WWOX: variants seen among roughly 807,000 people sequenced by gnomAD.
WWOX encodes WW domain-containing oxidoreductase.
In WWOX, 69 loss-of-function variants were observed where a neutral mutation model predicts 46.2. That is an observed-to-expected ratio of 1.49 (90% CI 1.23 to 1.82). The LOEUF (loss-of-function observed/expected upper bound fraction) is 1.82. Among genes scored for constraint, WWOX ranks in the 40% most tolerant of loss-of-function variants. WWOX has a pLI of 0.00. For synonymous variants in WWOX, 359 were observed against 202.6 expected (o/e 1.77, Z -6.56); for missense variants, 919 against 542.6 (o/e 1.69, Z -6.89).
chr16:78,557,779 T>C (rs528329344), intron 8 of WWOX, among the ~76,000 whole-genome samples: 37 of 142,244 alleles, frequency 2.6e-4, no homozygotes, highest in African/African-American at 9.5e-4. Context: ...CACTGCAACC[T>C]CCGCCTCCTG....
chr16:79,060,822 G>C (rs2048345246), intron 8 of WWOX, among the ~76,000 whole-genome samples: 1 of 152,208 alleles, frequency 6.6e-6, no homozygotes, highest in South Asian at 2.1e-4. Context: ...GCTGTGATTT[G>C]AGGGATAGTG....
intron 8 of WWOX, among the ~76,000 whole-genome samples, chr16:79,194,895 A>C (rs987337043): frequency 6.6e-6 from 1 of 152,114 alleles, no homozygotes; most frequent in Non-Finnish European, 1.5e-5. Flanking sequence ...CCCCCATGCC[A>C]TACTCCCCAA....
At position 78,801,244 on chromosome 16, in the gene WWOX, T is replaced by G. The variant is rs182679674; in HGVS notation, c.1056+368492T>G. On this transcript the variant is annotated intron_variant, in intron 8 of 8. Coordinates refer to ENST00000566780, the MANE Select transcript of WWOX (RefSeq NM_016373.4). ...CCATTTTTGTGGTGGGCATGGTGGC[T>G]CATGCCTGTAATCCCAGCTCTTTGG... is the stretch of plus-strand genomic sequence containing the variant. Among the ~76,000 whole-genome samples the G allele has an allele frequency of 2.6e-5, 4 of 152,270 alleles. No homozygotes were observed. The East Asian group carries it at 7.7e-4, about 29-fold the overall frequency.
chr16:78,773,916 C>T (rs1402068375), intron 8 of WWOX, among the ~76,000 whole-genome samples: 4 of 152,098 alleles, frequency 2.6e-5, no homozygotes, highest in African/African-American at 4.8e-5. Flanking sequence ...TGGAATTTAA[C>T]ACAGTTTTCC....
intron 8 of WWOX, among the ~76,000 whole-genome samples, chr16:78,986,300 C>G (rs2046783498): frequency 6.6e-6 from 1 of 152,154 alleles, no homozygotes; most frequent in Non-Finnish European, 1.5e-5. Flanking sequence ...GCTTCCAGAC[C>G]TATAGTTTTG....
chr16:78,687,544 G>A (rs2047891414), intron 8 of WWOX, among the ~76,000 whole-genome samples: 1 of 152,126 alleles, frequency 6.6e-6, no homozygotes. Context: ...TGTTTTATCG[G>A]AATACGCAGA....
chr16:78,217,524 A>T (rs2036760648), intron 5 of WWOX, among the ~76,000 whole-genome samples: 1 of 152,202 alleles, frequency 6.6e-6, no homozygotes, highest in African/African-American at 2.4e-5. Flanking sequence ...GTGTTGAGAC[A>T]TGTGATCCTG....
intron 8 of WWOX, among the ~76,000 whole-genome samples, chr16:79,030,581 C>G (rs1294017758): frequency 1.3e-5 from 2 of 152,184 alleles, no homozygotes; most frequent in Non-Finnish European, 2.9e-5. Flanking sequence ...CTGTCTTGGT[C>G]CGTCTCATTT....
intron 5 of WWOX, among the ~76,000 whole-genome samples, chr16:78,365,330 GTTTTGT>G (rs1360131600): frequency 6.6e-6 from 1 of 152,078 alleles, no homozygotes; most frequent in African/African-American, 2.4e-5. Context: ...TTATGTTTTT[GTTTTGT>G]TTTTCTTTTT....
At chr16:78,822,669 T>C (rs76758593) in intron 8 of WWOX, among the ~76,000 whole-genome samples, 19,307 of 152,216 alleles carry the variant, frequency 0.13, 1,533 homozygotes, top group Non-Finnish European at 0.18. Flanking sequence ...CTTTCCATGA[T>C]GAGAGTTACA....
At chr16:78,644,774 C>G (rs997328752) in intron 8 of WWOX, among the ~76,000 whole-genome samples, 3 of 152,146 alleles carry the variant, frequency 2.0e-5, no homozygotes, top group Non-Finnish European at 2.9e-5. Flanking sequence ...AACCTCGGCA[C>G]TTTTATCCAA....
chr16:78,796,407 G>A (rs993278231), intron 8 of WWOX, among the ~76,000 whole-genome samples: 1 of 152,220 alleles, frequency 6.6e-6, no homozygotes, highest in Non-Finnish European at 1.5e-5. Flanking sequence ...TGGAAGCAGT[G>A]AGGTCACTTC....
At chr16:78,177,093 T>C (rs1031946458) in intron 5 of WWOX, among the ~76,000 whole-genome samples, 5 of 152,170 alleles carry the variant, frequency 3.3e-5, no homozygotes, top group Non-Finnish European at 7.3e-5. Flanking sequence ...CCAGGAGATT[T>C]TGATATCTGC....
At chr16:79,034,448 C>G (rs1011588208) in intron 8 of WWOX, among the ~76,000 whole-genome samples, 2 of 152,192 alleles carry the variant, frequency 1.3e-5, no homozygotes, top group Admixed American at 6.5e-5. Flanking sequence ...TACTCTGGCC[C>G]TCAATTTTCT....
intron 8 of WWOX, among the ~76,000 whole-genome samples, chr16:79,165,390 C>T (rs1431316738): frequency 6.6e-6 from 1 of 152,168 alleles, no homozygotes; most frequent in South Asian, 2.1e-4. Context: ...GACATGGAAT[C>T]CTTTCTTATG....
intron 8 of WWOX, among the ~76,000 whole-genome samples, chr16:78,770,374 A>G (rs990761234): frequency 6.6e-6 from 1 of 152,068 alleles, no homozygotes; most frequent in Non-Finnish European, 1.5e-5. Flanking sequence ...ATTTAACTCT[A>G]AAGAATCCAA....
Position 78,702,118 on chromosome 16 carries a change from A to C in WWOX, c.1056+269366A>C, listed in dbSNP as rs1447112341. Among the ~76,000 whole-genome samples, 29 of 134,484 alleles carry C rather than the reference A, an allele frequency of 2.2e-4. 1 individual carries two copies. Among genetic ancestry groups the C allele is most frequent in the Admixed American group, 4.6e-4 (6 of 13,048 alleles). The allele number at this position is 134,484 out of a possible 152,430, so 88.2% of individuals were successfully genotyped here. On this transcript the variant is annotated intron_variant, in intron 8 of 8. Transcript: ENST00000566780. ...TATAAAGTTATATATATATATATAT[A>C]TATATTTATTTATTTTCAAGACATG...
rs552260973 is a variant in WWOX, at chr16:78,837,783, G to C, written c.1057-373825G>C. On this transcript the variant is annotated intron_variant, in intron 8 of 8. Coordinates refer to ENST00000566780, the MANE Select transcript of WWOX (RefSeq NM_016373.4). ...AGCCACCATCTATCTATACTTCCTA[G>C]ATTTGGGCATGGTGTTAGGAGTCTT... is the stretch of plus-strand genomic sequence containing the variant. Among the ~76,000 whole-genome samples the C allele has an allele frequency of 2.6e-5, 4 of 152,168 alleles. No homozygotes were observed. In the South Asian group the frequency reaches 8.3e-4, roughly 32 times the overall value.
chr16:78,181,652 A>T (rs779217572), intron 5 of WWOX, among the ~76,000 whole-genome samples: 1 of 152,166 alleles, frequency 6.6e-6, no homozygotes, highest in African/African-American at 2.4e-5. Context: ...GACTGGGGTT[A>T]CTTAATACCA....
Sources: allele counts gnomAD v4.1 joint callset (sites outside exome capture counted in the v4.1 genomes callset), GRCh38; gene constraint gnomAD v4.1.1; transcripts MANE v1.5; gene names NCBI Gene and HGNC (gene_info 2026-07-23, HGNC 2026-07-21).